The following FMNL2 variants were observed in gnomAD, a reference collection of about 807,000 sequenced individuals.
The protein encoded by FMNL2 is formin-like protein 2.
In FMNL2, 51 loss-of-function variants were observed where a neutral mutation model predicts 130.2. The observed-to-expected ratio is 0.39, with a 90% CI of 0.31 to 0.49. The LOEUF is 0.49. Ranked by LOEUF, FMNL2 falls within the 20% of genes least tolerant of loss-of-function variation. FMNL2 has a pLI of 0.85. For synonymous variants in FMNL2, 465 were observed against 467.1 expected (o/e 1.00, Z 0.06); for missense variants, 977 against 1,316.2 (o/e 0.74, Z 3.99).
At chr2:152,390,433 A>G in intron 1 of FMNL2, 1 of 1,212,180 alleles carries the variant, frequency 8.2e-7, no homozygotes. Context: ...CCTAAGATCA[A>G]TACCAAGATG....
Position 152,375,877 on chromosome 2 carries a change from C to CTCTCTCTCTATATATATATA in FMNL2, c.117+40158_117+40159insCTCTCTCTATATATATATAT, listed in dbSNP as rs796954245. 1.0e-3 allele frequency among the ~76,000 whole-genome samples: 112 copies of CTCTCTCTCTATATATATATA among 112,464 alleles called. 1 individual carries two copies. The East Asian group carries it at 0.033, about 33-fold the overall frequency. The allele number at this position is 112,464 out of a possible 152,430, so 73.8% of individuals were successfully genotyped here. A position where few individuals can be genotyped will look rare whatever the true frequency, so the allele number is the denominator to read the frequency against. On this transcript the variant is annotated intron_variant, in intron 1 of 25. Coordinates refer to ENST00000288670, the MANE Select transcript of FMNL2 (RefSeq NM_052905.4). ...TCTCTCTCTCTCTCTCTCTCTCTCT[C>CTCTCTCTCTATATATATATA]TATATATATATATATATATAATTAT...
chr2:152,453,510 C>T (rs34520795), intron 1 of FMNL2, among the ~76,000 whole-genome samples: 21,458 of 152,034 alleles, frequency 0.14, 2,592 homozygotes, highest in African/African-American at 0.3. Flanking sequence ...CTTGTTTTGT[C>T]CCCTTCCTCC....
chr2:152,361,530 A>G (rs532425594), intron 1 of FMNL2, among the ~76,000 whole-genome samples: 2 of 152,290 alleles, frequency 1.3e-5, no homozygotes, highest in East Asian at 1.9e-4. Flanking sequence ...TCACAACAGA[A>G]GGTGGTTTGA....
chr2:152,605,319 C>CGT lies in FMNL2; in HGVS notation c.877-2007_877-2006dup, dbSNP rs58797230. Reference sequence around the variant, plus strand: ...GTCTGTGCGTGTGCGTGTGTGTGTGCGTGTGTGTGTGTGTATTTTTGAGAC... The same window carrying CGT: ...GTCTGTGCGTGTGCGTGTGTGTGTGCGTGTGTGTGTGTGTGTATTTTTGAGAC... On this transcript the variant is annotated intron_variant, in intron 9 of 25. Transcript: ENST00000288670. 6.6e-5 allele frequency among the ~76,000 whole-genome samples: 10 copies of CGT among 150,868 alleles called. No homozygotes were observed. In the East Asian group the frequency reaches 7.8e-4, roughly 12 times the overall value.
chr2:152,561,094 A>T, intron 6 of FMNL2, 59 bp downstream of exon 6: 1 of 1,497,032 alleles, frequency 6.7e-7, no homozygotes. Context: ...GCAGGCTCCT[A>T]CTTCTTTTGA....
chr2:152,409,733 C>A (rs555961437), intron 1 of FMNL2, among the ~76,000 whole-genome samples: 2 of 152,210 alleles, frequency 1.3e-5, no homozygotes, highest in Admixed American at 1.3e-4. Context: ...TTATGGAGAA[C>A]TTTGTATGTG....
chr2:152,592,082 G>A (rs1697474063), intron 9 of FMNL2, among the ~76,000 whole-genome samples: 1 of 152,140 alleles, frequency 6.6e-6, no homozygotes, highest in Non-Finnish European at 1.5e-5. Flanking sequence ...CAGCCTGGTG[G>A]CAGAGCGAGA....
intron 6 of FMNL2, 104 bp downstream of exon 6, chr2:152,561,139 C>T (rs942084486): frequency 1.3e-4 from 155 of 1,192,204 alleles, no homozygotes; most frequent in Middle Eastern, 2.9e-4. Context: ...AATTGCCATA[C>T]AGCACTTTCA....
intron 1 of FMNL2, among the ~76,000 whole-genome samples, chr2:152,440,169 G>A (rs1204608392): frequency 6.6e-6 from 1 of 152,054 alleles, no homozygotes; most frequent in African/African-American, 2.4e-5. Flanking sequence ...TGCCCAGGCT[G>A]GTCTGAAATC....
chr2:152,458,808 A>G (rs1331678993), intron 1 of FMNL2, among the ~76,000 whole-genome samples: 2 of 152,220 alleles, frequency 1.3e-5, no homozygotes, highest in African/African-American at 2.4e-5. Context: ...AGTGATAGGC[A>G]TCATGCTTTA....
chr2:152,642,954 A>G (rs1251238081), intron 25 of FMNL2, among the ~76,000 whole-genome samples: 2 of 152,158 alleles, frequency 1.3e-5, no homozygotes, highest in Non-Finnish European at 2.9e-5. Context: ...AGTTGCAGTG[A>G]GCTGAGATCA....
chr2:152,562,750 G>A (rs552027985), intron 6 of FMNL2, among the ~76,000 whole-genome samples: 190 of 152,254 alleles, frequency 1.2e-3, no homozygotes, highest in Non-Finnish European at 1.2e-4. Flanking sequence ...TATAAAGAAA[G>A]GCTAATTGTC....
chr2:152,450,122 A>T (rs1020519271), intron 1 of FMNL2, among the ~76,000 whole-genome samples: 1 of 152,234 alleles, frequency 6.6e-6, no homozygotes, highest in Non-Finnish European at 1.5e-5. Context: ...ATAAAAACTA[A>T]TTTTAATATT....
intron 1 of FMNL2, among the ~76,000 whole-genome samples, chr2:152,349,035 C>T (rs1362131534): frequency 3.1e-5 from 4 of 128,038 alleles, no homozygotes; most frequent in Non-Finnish European, 3.4e-5. Flanking sequence ...CGGGGTTTCA[C>T]CTTGTTAGCC....
At chr2:152,492,315 T>C (rs1691259309) in intron 1 of FMNL2, among the ~76,000 whole-genome samples, 1 of 152,226 alleles carries the variant, frequency 6.6e-6, no homozygotes, top group Non-Finnish European at 1.5e-5. Context: ...ACACAGCCTA[T>C]AAAAACAGGA....
At chr2:152,470,710 G>A (rs1220574869) in intron 1 of FMNL2, among the ~76,000 whole-genome samples, 1 of 152,112 alleles carries the variant, frequency 6.6e-6, no homozygotes, top group Non-Finnish European at 1.5e-5. Context: ...TGGATCATAT[G>A]CCGGATTTGA....
chr2:152,347,172 C>G (rs1682174949), intron 1 of FMNL2, among the ~76,000 whole-genome samples: 1 of 152,180 alleles, frequency 6.6e-6, no homozygotes, highest in Non-Finnish European at 1.5e-5. Flanking sequence ...CTCCCTCCCT[C>G]TTGTTCTTCA....
intron 6 of FMNL2, among the ~76,000 whole-genome samples, chr2:152,572,641 A>G (rs370190897): frequency 6.6e-6 from 1 of 152,080 alleles, no homozygotes. Flanking sequence ...ATTTTTTTTA[A>G]TTAACTGGGC....
chr2:152,432,348 A>G (rs1687539696), intron 1 of FMNL2, among the ~76,000 whole-genome samples: 1 of 152,196 alleles, frequency 6.6e-6, no homozygotes. Context: ...GCAATAATTC[A>G]AAGCAGAGCG....
Sources: allele counts gnomAD v4.1 joint callset (sites outside exome capture counted in the v4.1 genomes callset), GRCh38; gene constraint gnomAD v4.1.1; transcripts MANE v1.5; gene names NCBI Gene and HGNC (gene_info 2026-07-23, HGNC 2026-07-21).